Variants in ABTB3 observed in about 807,000 individuals in gnomAD.
ABTB3 encodes ankyrin repeat and BTB domain containing 3.
chr12:107,436,719 G>A, the ABTB3 span, among the ~76,000 whole-genome samples: 1 of 152,124 alleles, frequency 6.6e-6, no homozygotes, highest in African/African-American at 2.4e-5. Context: ...TTTTCCCAGC[G>A]CATGGTGGGA....
chr12:107,408,282 T>G, the ABTB3 span, among the ~76,000 whole-genome samples: 1 of 152,264 alleles, frequency 6.6e-6, no homozygotes, highest in African/African-American at 2.4e-5. Context: ...TTGATATTGT[T>G]GGTTATTTTT....
chr12:107,546,507 C>T, the ABTB3 span, among the ~76,000 whole-genome samples: 4 of 152,220 alleles, frequency 2.6e-5, no homozygotes, highest in Admixed American at 2.0e-4. Flanking sequence ...TTTATTCCTT[C>T]CCTGCTAGAC....
At chr12:107,523,535 A>T in the ABTB3 span, among the ~76,000 whole-genome samples, 3 of 152,202 alleles carry the variant, frequency 2.0e-5, no homozygotes, top group Non-Finnish European at 4.4e-5. Flanking sequence ...AATATTTTTA[A>T]TCTCAATTGT....
the ABTB3 span, among the ~76,000 whole-genome samples, chr12:107,416,277 G>T: frequency 6.6e-6 from 1 of 152,136 alleles, no homozygotes; most frequent in African/African-American, 2.4e-5. Context: ...AGAGAGAGAG[G>T]TATTGAACAC....
chr12:107,601,762 G>T, the ABTB3 span, among the ~76,000 whole-genome samples: 1 of 152,206 alleles, frequency 6.6e-6, no homozygotes, highest in Admixed American at 6.5e-5. Context: ...CTTCATCATA[G>T]GGTTATTATG....
the ABTB3 span, among the ~76,000 whole-genome samples, chr12:107,515,766 T>C: frequency 0.042 from 6,349 of 152,170 alleles, 233 homozygotes; most frequent in Middle Eastern, 0.13. Flanking sequence ...GGTCTTTTCT[T>C]CCCTGAAAGC....
chr12:107,556,171 C>T, the ABTB3 span, among the ~76,000 whole-genome samples: 12 of 151,656 alleles, frequency 7.9e-5, no homozygotes, highest in Non-Finnish European at 1.5e-4. Flanking sequence ...CTCGGCTCAC[C>T]GCAACCTCCG....
the ABTB3 span, among the ~76,000 whole-genome samples, chr12:107,520,011 G>GGTAACAGCC: frequency 6.6e-6 from 1 of 152,124 alleles, no homozygotes; most frequent in Non-Finnish European, 1.5e-5. Context: ...TTGTCAAACA[G>GGTAACAGCC]GTAACAGCCC....
the ABTB3 span, among the ~76,000 whole-genome samples, chr12:107,526,852 C>T: frequency 6.6e-6 from 1 of 152,120 alleles, no homozygotes; most frequent in Non-Finnish European, 1.5e-5. Context: ...AGTTGTCTTT[C>T]CCCTTGTTTG....
chr12:107,652,793 C>CTT, the ABTB3 span, among the ~76,000 whole-genome samples: 1 of 152,252 alleles, frequency 6.6e-6, no homozygotes, highest in Non-Finnish European at 1.5e-5. Context: ...AAGTAAAATA[C>CTT]TTTGTCCAGG....
At chr12:107,600,571 G>C in the ABTB3 span, among the ~76,000 whole-genome samples, 2 of 152,174 alleles carry the variant, frequency 1.3e-5, no homozygotes, top group Admixed American at 1.3e-4. Flanking sequence ...GAACGGGGCT[G>C]CATCCTCTCA....
chr12:107,408,329 C>T, the ABTB3 span, among the ~76,000 whole-genome samples: 1 of 152,086 alleles, frequency 6.6e-6, no homozygotes, highest in Non-Finnish European at 1.5e-5. Flanking sequence ...GGCTGCTGTC[C>T]CATCCTTATC....
the ABTB3 span, among the ~76,000 whole-genome samples, chr12:107,344,535 G>C: frequency 6.6e-6 from 1 of 152,198 alleles, no homozygotes; most frequent in Non-Finnish European, 1.5e-5. Flanking sequence ...CAGAGGTCAG[G>C]TTTCTCTAAG....
chr12:107,628,243 C>CGA, the ABTB3 span, among the ~76,000 whole-genome samples: 2 of 152,162 alleles, frequency 1.3e-5, no homozygotes, highest in Non-Finnish European at 2.9e-5. Flanking sequence ...CAGGTTCAAG[C>CGA]GACTCTCATG....
At chr12:107,423,546 A>G in the ABTB3 span, among the ~76,000 whole-genome samples, 1 of 152,248 alleles carries the variant, frequency 6.6e-6, no homozygotes, top group Non-Finnish European at 1.5e-5. Flanking sequence ...TGGGACATTG[A>G]TGGTGCAGGG....
chr12:107,465,858 A>G, the ABTB3 span, among the ~76,000 whole-genome samples: 2 of 152,096 alleles, frequency 1.3e-5, no homozygotes, highest in Non-Finnish European at 2.9e-5. Flanking sequence ...TACGTCTTTC[A>G]TGCTCTTGCA....
chr12:107,556,155 T>C, the ABTB3 span, among the ~76,000 whole-genome samples: 79,532 of 150,902 alleles, frequency 0.53, 21,187 homozygotes, highest in East Asian at 0.65. Flanking sequence ...AGTGCAATGG[T>C]GCGATCTCGG....
At chr12:107,580,036 C>G in the ABTB3 span, among the ~76,000 whole-genome samples, 54,281 of 151,998 alleles carry the variant, frequency 0.36, 12,082 homozygotes, top group African/African-American at 0.64. Context: ...TTGAGAATGT[C>G]GTCCGCAGAC....
chr12:107,528,819 G>T, the ABTB3 span, among the ~76,000 whole-genome samples: 1 of 152,102 alleles, frequency 6.6e-6, no homozygotes, highest in Admixed American at 6.5e-5. Flanking sequence ...AGATGATGAC[G>T]GTGGTCATGG....
Sources: gnomAD v4.1 joint callset for allele counts (sites outside exome capture counted in the v4.1 genomes callset) on GRCh38, gnomAD v4.1.1 for gene constraint, MANE v1.5 for transcripts, NCBI Gene and HGNC (gene_info 2026-07-23, HGNC 2026-07-21) for gene names.